The following DDHD1 variants were observed in gnomAD, a reference collection of about 807,000 sequenced individuals.
The protein encoded by DDHD1 is DDHD domain containing 1, also known as phospholipase DDHD1.
DDHD1 carries 49 observed loss-of-function variants against 96.4 expected under a neutral mutation model. The ratio of observed to expected loss-of-function variants is 0.51; its 90% CI spans 0.40 to 0.64. The LOEUF is 0.64. DDHD1 is among the 30% of genes least tolerant of loss of function. DDHD1 has a pLI of 0.00. For missense variants in DDHD1, 1,106 were observed against 1,161.2 expected (o/e 0.95, Z 0.69); for synonymous variants, 442 against 446.5 (o/e 0.99, Z 0.13).
intron 10 of DDHD1, among the ~76,000 whole-genome samples, chr14:53,054,957 G>A (rs1347527108): frequency 6.6e-6 from 1 of 152,158 alleles, no homozygotes. Context: ...ATTGACATGA[G>A]TATAGATTTA....
chr14:53,124,916 C>T (rs1889315149), intron 1 of DDHD1, among the ~76,000 whole-genome samples: 1 of 152,092 alleles, frequency 6.6e-6, no homozygotes, highest in South Asian at 2.1e-4. Context: ...GGCCTCTCTC[C>T]TTGGCTTGCA....
At chr14:53,132,027 G>C (rs545452911) in intron 1 of DDHD1, among the ~76,000 whole-genome samples, 8 of 152,164 alleles carry the variant, frequency 5.3e-5, no homozygotes, top group African/African-American at 1.9e-4. Flanking sequence ...TAGATACCTA[G>C]TTTTGCCATC....
In DDHD1 at chr14:53,131,142, T is replaced by G. The variant is rs149156086; in HGVS notation, c.838+21119A>C. Among the ~76,000 whole-genome samples the G allele has an allele frequency of 1.2e-3, 177 of 152,246 alleles. 1 individual carries two copies. The highest frequency in any genetic ancestry group is 4.1e-3 in the African/African-American group (172 of 41,530). ...TTTTAGTTACCCTCACCTGCCCAGT[T>G]CCCTTATTAGGTCGAGGCATTTTAA... On this transcript the variant is annotated intron_variant, in intron 1 of 12. Coordinates refer to ENST00000673822, the MANE Select transcript of DDHD1 (RefSeq NM_001160148.2).
intron 1 of DDHD1, among the ~76,000 whole-genome samples, chr14:53,151,496 G>T (rs7154004): frequency 0.73 from 111,747 of 152,140 alleles, 43,763 homozygotes; most frequent in East Asian, 0.96. Context: ...CATATCACAC[G>T]TAAGTACCAA....
chr14:53,127,847 T>A (rs954299396), intron 1 of DDHD1, among the ~76,000 whole-genome samples: 1 of 152,152 alleles, frequency 6.6e-6, no homozygotes, highest in Non-Finnish European at 1.5e-5. Flanking sequence ...TTACATTGAG[T>A]TGTATAGTTG....
intron 4 of DDHD1, among the ~76,000 whole-genome samples, chr14:53,075,573 G>A (rs955279510): frequency 2.6e-5 from 4 of 152,166 alleles, no homozygotes; most frequent in African/African-American, 9.7e-5. Context: ...TAATGTAGAA[G>A]CTGCATCAAG....
chr14:53,098,090 C>T (rs1403850168), intron 2 of DDHD1, among the ~76,000 whole-genome samples: 5 of 151,892 alleles, frequency 3.3e-5, no homozygotes, highest in Admixed American at 2.0e-4. Context: ...AGTTTACTAT[C>T]GATCCAAACA....
intron 2 of DDHD1, 160 bp downstream of exon 2, chr14:53,103,523 T>C (rs1887467929): frequency 1.8e-6 from 1 of 567,548 alleles, no homozygotes; most frequent in Admixed American, 3.6e-5. Flanking sequence ...ATATTTATAG[T>C]AGTTAATTTT....
intron 8 of DDHD1, 100 bp from the exon 9 acceptor site, chr14:53,058,726 A>T: frequency 6.6e-6 from 7 of 1,055,260 alleles, no homozygotes; most frequent in Non-Finnish European, 9.4e-6. Context: ...CAAATAATAA[A>T]ATATCTTTGA....
chr14:53,081,149 C>T (rs1293267196), intron 4 of DDHD1, among the ~76,000 whole-genome samples: 1 of 152,152 alleles, frequency 6.6e-6, no homozygotes, highest in Non-Finnish European at 1.5e-5. Flanking sequence ...CTTATCATCA[C>T]TGAAAATAAA....
intron 12 of DDHD1, among the ~76,000 whole-genome samples, chr14:53,049,555 A>G (rs998464490): frequency 6.6e-6 from 1 of 151,262 alleles, no homozygotes; most frequent in Non-Finnish European, 1.5e-5. Context: ...TCAAATCTAC[A>G]TGGATTAGCC....
Position 53,041,333 on chromosome 14 carries a change from G to C in DDHD1, c.*5435C>G, listed in dbSNP as rs1881631297. The stretch of plus-strand genomic sequence containing the variant: ...GCCCTTATACAAACACAAAGGCAGA[G>C]GAAAAGTTCACCCTAACAATCTGCC... On this transcript the variant is annotated 3_prime_UTR_variant, in exon 13 of 13. Transcript: ENST00000673822. The C allele has an allele frequency of 6.6e-6, 1 of 152,136 alleles. No homozygotes were observed. The highest frequency in any genetic ancestry group is 1.5e-5 in the Non-Finnish European group (1 of 68,036). 9.4% of individuals were successfully genotyped at this position (152,136 alleles called of 1,614,324 possible).
At chr14:53,081,455 A>C (rs890273833) in intron 4 of DDHD1, among the ~76,000 whole-genome samples, 2 of 152,320 alleles carry the variant, frequency 1.3e-5, no homozygotes, top group African/African-American at 2.4e-5. Flanking sequence ...TTTGCACACA[A>C]AAGAGTTCAT....
intron 1 of DDHD1, among the ~76,000 whole-genome samples, chr14:53,113,345 T>G (rs1477111589): frequency 6.7e-6 from 1 of 149,502 alleles, no homozygotes; most frequent in East Asian, 2.0e-4. Context: ...TATATTTTCT[T>G]TTTCTTTTTT....
chr14:53,075,232 T>A lies in DDHD1; in HGVS notation c.1290-1385A>T, dbSNP rs78979566. Among the ~76,000 whole-genome samples the A allele has an allele frequency of 5.9e-4, 90 of 152,184 alleles. 5 individuals are homozygous for A. In the East Asian group the frequency reaches 0.017, roughly 29 times the overall value. On this transcript the variant is annotated intron_variant, in intron 4 of 12. Coordinates refer to ENST00000673822, the MANE Select transcript of DDHD1 (RefSeq NM_001160148.2). Reference sequence around the variant, plus strand: ...CCAAGCATGCCAAAAGCTGGACCTCTTGCACCAGGTAGCCAATTTGTGAAT... The same window carrying A: ...CCAAGCATGCCAAAAGCTGGACCTCATGCACCAGGTAGCCAATTTGTGAAT...
At chr14:53,081,613 C>T (rs1885475800) in intron 4 of DDHD1, among the ~76,000 whole-genome samples, 1 of 152,168 alleles carries the variant, frequency 6.6e-6, no homozygotes, top group African/African-American at 2.4e-5. Flanking sequence ...TTACAATGCA[C>T]AGGCCAGCCA....
intron 6 of DDHD1, among the ~76,000 whole-genome samples, chr14:53,064,048 T>C (rs913943459): frequency 2.6e-5 from 4 of 152,112 alleles, no homozygotes; most frequent in East Asian, 3.8e-4. Flanking sequence ...AATGGCAATG[T>C]ACATAAACAT....
In DDHD1 at chr14:53,063,224, CATT is replaced by C; in HGVS notation, c.1504-22_1504-20del. 4.4e-6 allele frequency: 7 copies of C among 1,608,002 alleles called. No homozygotes were observed. Among genetic ancestry groups the C allele is most frequent in the Non-Finnish European group, 5.9e-6 (7 of 1,178,136 alleles). ...TAACTAGCTGTTTGAAATAAGAAAA[CATT>C]ATCATATTAGACTTGTCACTGACTA... On this transcript the variant is annotated intron_variant, in intron 6 of 12. Coordinates refer to ENST00000673822, the MANE Select transcript of DDHD1 (RefSeq NM_001160148.2).
At chr14:53,146,681 T>A (rs1891006568) in intron 1 of DDHD1, among the ~76,000 whole-genome samples, 3 of 152,236 alleles carry the variant, frequency 2.0e-5, no homozygotes, top group African/African-American at 7.2e-5. Flanking sequence ...TGTCTCCTAA[T>A]CTAGGAGTAT....
Sources: allele counts gnomAD v4.1 joint callset (sites outside exome capture counted in the v4.1 genomes callset), GRCh38; gene constraint gnomAD v4.1.1; transcripts MANE v1.5; gene names NCBI Gene and HGNC (gene_info 2026-07-23, HGNC 2026-07-21).